Variants in USP54 observed in about 807,000 individuals in gnomAD.
USP54 encodes ubiquitin carboxyl-terminal hydrolase 54.
Under a neutral mutation model 170.5 loss-of-function variants are expected in USP54, and 87 were observed. The observed-to-expected ratio is 0.51, with a 90% CI of 0.43 to 0.61. The LOEUF is 0.61. Among genes scored for constraint, USP54 ranks in the 20% least tolerant of loss-of-function variants. The probability of loss-of-function intolerance (pLI) is 0.00; values close to 1 mark genes in which losing one functional copy is unlikely to be tolerated. For synonymous variants in USP54, 655 were observed against 742.8 expected (o/e 0.88, Z 1.92); for missense variants, 1,786 against 2,047.8 (o/e 0.87, Z 2.47).
At chr10:73,618,159 C>T (rs552475242) in intron 1 of USP54, among the ~76,000 whole-genome samples, 2 of 149,214 alleles carry the variant, frequency 1.3e-5, no homozygotes, top group South Asian at 2.1e-4. Flanking sequence ...TGCAGTGAAC[C>T]GAGATTGCGC....
In USP54 at chr10:73,517,315, C is replaced by T. The variant is rs750493234; in HGVS notation, c.3111G>A (p.Pro1037=). The T allele has an allele frequency of 2.0e-5, 33 of 1,612,368 alleles. 1 individual carries two copies. Among genetic ancestry groups the T allele is most frequent in the Admixed American group, 1.7e-4 (10 of 59,816 alleles). ...QEKKDPANPS[P]VMPGIATSER... is the part of the protein sequence containing the mutation. The stretch of plus-strand genomic sequence containing the variant: ...CAGAGGTGGCTATTCCAGGCATCAC[C>T]GGGGAGGGGTTAGCAGGATCCTTCT... The change falls in exon 20 of 24, where the codon CCG becomes CCA. Residue 1037 remains proline, a synonymous_variant. Coordinates refer to ENST00000687698, the MANE Select transcript of USP54 (RefSeq NM_001391956.1).
At chr10:73,526,404 C>T (rs978830477) in intron 16 of USP54, among the ~76,000 whole-genome samples, 1 of 152,120 alleles carries the variant, frequency 6.6e-6, no homozygotes, top group African/African-American at 2.4e-5. Flanking sequence ...CACGCCGCTA[C>T]GCTGGTTAAT....
At chr10:73,570,356 C>T (rs547944409) in intron 4 of USP54, among the ~76,000 whole-genome samples, 1 of 151,670 alleles carries the variant, frequency 6.6e-6, no homozygotes, top group South Asian at 2.1e-4. Context: ...CTAAAGAAAT[C>T]TCTGGTTTCA....
intron 1 of USP54, among the ~76,000 whole-genome samples, chr10:73,609,880 T>C (rs112017472): frequency 7.5e-6 from 1 of 134,096 alleles, no homozygotes; most frequent in African/African-American, 2.9e-5. Flanking sequence ...TGTGGTGGCG[T>C]GCGCCTGTAA....
chr10:73,552,797 AAAAC>A (rs1564805131), intron 4 of USP54, among the ~76,000 whole-genome samples: 2 of 152,208 alleles, frequency 1.3e-5, no homozygotes, highest in Non-Finnish European at 2.9e-5. Flanking sequence ...TCTCAGGAAA[AAAAC>A]AAACAAAAAT....
intron 4 of USP54, among the ~76,000 whole-genome samples, chr10:73,559,537 G>GTGA (rs2072243524): frequency 6.7e-6 from 1 of 148,646 alleles, no homozygotes; most frequent in African/African-American, 2.5e-5. Flanking sequence ...TCCAGCCTGG[G>GTGA]CAATAAGAGC....
chr10:73,529,689 T>G lies in USP54; in HGVS notation c.2051A>C (p.Asn684Thr). The G allele has an allele frequency of 6.2e-7, 1 of 1,614,114 alleles. No homozygotes were observed. The highest frequency in any genetic ancestry group is 8.5e-7 in the Non-Finnish European group (1 of 1,179,972). ...AAAGGCCAAACAATACCTGTAGACA[T>G]TTGAGCTCTCAGGCAGGGCTGCATC... ...SLDAALPESS[N>T]VYRDPSAKRS... The change falls in exon 15 of 24, where the codon AAT becomes ACT. Residue 684 changes from asparagine (N) to threonine (T), a missense_variant. This residue lies in a region of USP54 where 1,418 missense variants were observed against 1,569.0 expected (regional missense o/e 0.90). Transcript: ENST00000687698.
Position 73,564,060 on chromosome 10 carries a change from G to A in USP54, c.240+7361C>T, listed in dbSNP as rs1012165267. Among the ~76,000 whole-genome samples, 3 of 151,674 alleles carry A rather than the reference G, an allele frequency of 2.0e-5. No individual in the cohort carries two copies. The South Asian group carries it at 6.2e-4, about 32-fold the overall frequency. ...TCTGTCACCCAGGCTGGAGTATAGTGGCACAAACACAGCTCACTGCAGCCT... is the reference window on the plus strand; with the variant it reads ...TCTGTCACCCAGGCTGGAGTATAGTAGCACAAACACAGCTCACTGCAGCCT... On this transcript the variant is annotated intron_variant, in intron 4 of 23. Transcript: ENST00000687698.
intron 4 of USP54, among the ~76,000 whole-genome samples, chr10:73,562,589 T>C (rs2073325350): frequency 6.6e-6 from 1 of 152,218 alleles, no homozygotes; most frequent in South Asian, 2.1e-4. Flanking sequence ...TGTGATGTTT[T>C]ATGAGATTAG....
intron 17 of USP54, among the ~76,000 whole-genome samples, chr10:73,522,833 C>T (rs2062129178): frequency 2.0e-5 from 3 of 152,188 alleles, no homozygotes; most frequent in Admixed American, 2.0e-4. Flanking sequence ...CAACAGAAAA[C>T]AGCCAGCAAA....
At chr10:73,613,687 G>C (rs1239611514) in intron 1 of USP54, among the ~76,000 whole-genome samples, 1 of 151,520 alleles carries the variant, frequency 6.6e-6, no homozygotes, top group Non-Finnish European at 1.5e-5. Context: ...AGACCACCCT[G>C]GTCAACATGG....
intron 19 of USP54, 79 bp downstream of exon 19, chr10:73,519,718 A>T: frequency 6.3e-7 from 1 of 1,588,066 alleles, no homozygotes; most frequent in Non-Finnish European, 8.6e-7. Context: ...CGCCAAGACA[A>T]TGAGAGCTCT....
intron 4 of USP54, among the ~76,000 whole-genome samples, chr10:73,558,043 C>T (rs1367331818): frequency 6.6e-6 from 1 of 151,604 alleles, no homozygotes; most frequent in Non-Finnish European, 1.5e-5. Flanking sequence ...CCACCACACC[C>T]AGTTGATTTT....
At chr10:73,522,679 A>G (rs1444820192) in intron 17 of USP54, among the ~76,000 whole-genome samples, 2 of 152,252 alleles carry the variant, frequency 1.3e-5, no homozygotes, top group Non-Finnish European at 2.9e-5. Context: ...ACTAATTTGG[A>G]AACTAATACA....
At chr10:73,553,566 C>T (rs1435290156) in intron 4 of USP54, among the ~76,000 whole-genome samples, 1 of 152,132 alleles carries the variant, frequency 6.6e-6, no homozygotes, top group Non-Finnish European at 1.5e-5. Context: ...CCAAAGAAAG[C>T]CAAGAACATT....
At chr10:73,574,638 G>T (rs1157251509) in intron 3 of USP54, among the ~76,000 whole-genome samples, 2 of 151,956 alleles carry the variant, frequency 1.3e-5, no homozygotes, top group African/African-American at 4.8e-5. Context: ...TTAGCCGGGT[G>T]TGGTGATGCA....
chr10:73,576,538 T>C (rs1454202845), intron 1 of USP54, among the ~76,000 whole-genome samples, 177 bp from the exon 2 acceptor site: 1 of 140,362 alleles, frequency 7.1e-6, no homozygotes, highest in Non-Finnish European at 1.6e-5. Context: ...ACACCCAAAC[T>C]AAAGAGAAGG....
chr10:73,560,663 CAAAAAAAAA>C (rs751168962), intron 4 of USP54, among the ~76,000 whole-genome samples: 12 of 16,490 alleles, frequency 7.3e-4, no homozygotes, highest in African/African-American at 2.7e-3. Flanking sequence ...AACTCCGTCT[CAAAAAAAAA>C]AAAAAAAAAA....
At chr10:73,587,179 T>C (rs2077590305) in intron 1 of USP54, among the ~76,000 whole-genome samples, 1 of 152,064 alleles carries the variant, frequency 6.6e-6, no homozygotes, top group Admixed American at 6.6e-5. Context: ...TGGTTAAAAG[T>C]ATACCCTCTG....
Sources: allele counts gnomAD v4.1 joint callset (sites outside exome capture counted in the v4.1 genomes callset), GRCh38; gene constraint gnomAD v4.1.1; regional missense constraint gnomAD v4.1.1; transcripts MANE v1.5; gene names NCBI Gene and HGNC (gene_info 2026-07-23, HGNC 2026-07-21).